BCKDHB: variants seen among roughly 807,000 people sequenced by gnomAD.
The protein encoded by BCKDHB is branched chain keto acid dehydrogenase E1 subunit beta, also known as 2-oxoisovalerate dehydrogenase subunit beta, mitochondrial.
A neutral mutation model predicts 48.5 loss-of-function variants in BCKDHB; 41 were observed. That is an observed-to-expected ratio of 0.85 (90% confidence interval 0.66 to 1.10). The LOEUF is 1.10. Among genes scored for constraint, BCKDHB ranks in the 50% least tolerant of loss-of-function variants. BCKDHB has a pLI of 0.00. For synonymous variants in BCKDHB, 201 were observed against 174.8 expected, an observed-to-expected ratio of 1.15 and a Z score of -1.18; for missense variants, 496 against 494.2, an observed-to-expected ratio of 1.00 and a Z score of -0.03.
At chr6:80,332,950 G>A (rs1022978405) in intron 9 of BCKDHB, among the ~76,000 whole-genome samples, 11 of 150,962 alleles carry the variant, frequency 7.3e-5, no homozygotes, top group South Asian at 2.1e-4. Flanking sequence ...GTACAAATTC[G>A]TACGGAACCT....
chr6:80,341,748 A>G (rs981922904), intron 9 of BCKDHB, among the ~76,000 whole-genome samples: 1 of 152,176 alleles, frequency 6.6e-6, no homozygotes, highest in African/African-American at 2.4e-5. Context: ...TTTTGCCCTT[A>G]ATTCTCCATG....
chr6:80,322,879 CTTT>C (rs1356308345), intron 9 of BCKDHB, among the ~76,000 whole-genome samples: 1 of 129,764 alleles, frequency 7.7e-6, no homozygotes, highest in Admixed American at 8.5e-5. Context: ...AATGATTCTT[CTTT>C]TTTTTTCTTT....
chr6:80,269,579 G>A (rs935609114), intron 8 of BCKDHB, among the ~76,000 whole-genome samples: 1 of 152,012 alleles, frequency 6.6e-6, no homozygotes. Flanking sequence ...TCCAGGAACA[G>A]TACTCGGTGG....
At chr6:80,424,981 C>T in the BCKDHB span, among the ~76,000 whole-genome samples, 1 of 152,126 alleles carries the variant, frequency 6.6e-6, no homozygotes, top group Non-Finnish European at 1.5e-5. Flanking sequence ...TGTGGTGTTT[C>T]ATGACTTATT....
chr6:80,278,610 A>C (rs1169338398), intron 9 of BCKDHB, among the ~76,000 whole-genome samples: 1 of 152,034 alleles, frequency 6.6e-6, no homozygotes, highest in Non-Finnish European at 1.5e-5. Flanking sequence ...CCCAGGCTGG[A>C]GTGCAGTGGC....
At chr6:80,363,137 CA>C in the BCKDHB span, among the ~76,000 whole-genome samples, 1 of 152,122 alleles carries the variant, frequency 6.6e-6, no homozygotes, top group African/African-American at 2.4e-5. Context: ...CAAGATGCCC[CA>C]AGTTCTCAGT....
the BCKDHB span, among the ~76,000 whole-genome samples, chr6:80,359,097 C>T: frequency 0.029 from 4,373 of 152,292 alleles, 91 homozygotes; most frequent in Non-Finnish European, 0.044. Context: ...CCAAGTTCTT[C>T]GTGGGTCTGA....
chr6:80,168,748 G>A lies in BCKDHB; in HGVS notation c.478-127G>A, dbSNP rs1772718690. 16 of 1,048,368 alleles carry A rather than the reference G, an allele frequency of 1.5e-5. No individual in the cohort carries two copies. In the East Asian group the frequency reaches 4.0e-4, roughly 26 times the overall value. 64.9% of individuals were successfully genotyped at this position (1,048,368 alleles called of 1,614,324 possible). ...GAAGGAAGAGGGGGAGGGAGGCAGG[G>A]AGGGAGGGAAAGACTCATTGTGCCT... On this transcript the variant is annotated intron_variant, in intron 4 of 9. Transcript: ENST00000320393.
At chr6:80,379,120 A>G in the BCKDHB span, among the ~76,000 whole-genome samples, 1 of 151,986 alleles carries the variant, frequency 6.6e-6, no homozygotes, top group African/African-American at 2.4e-5. Flanking sequence ...GATGTGAAAA[A>G]TCAGATAAGG....
intron 3 of BCKDHB, among the ~76,000 whole-genome samples, chr6:80,135,677 A>G (rs527965421): frequency 1.3e-5 from 2 of 152,228 alleles, no homozygotes; most frequent in Non-Finnish European, 2.9e-5. Flanking sequence ...ATTATGGTCA[A>G]ATATATATAA....
chr6:80,191,057 G>C (rs1033027071), intron 6 of BCKDHB, among the ~76,000 whole-genome samples: 4 of 152,112 alleles, frequency 2.6e-5, no homozygotes, highest in Admixed American at 1.3e-4. Flanking sequence ...GCTCAGAGAT[G>C]GTAGCAGCTT....
rs201659861 is a variant in BCKDHB at position 80,332,706 on chromosome 6, T to TAAA, written c.1039-10944_1039-10942dup. Among the ~76,000 whole-genome samples the TAAA allele has an allele frequency of 8.5e-3, 1,192 of 139,428 alleles. 25 individuals carry two copies. The highest frequency in any genetic ancestry group is 0.025 in the African/African-American group (942 of 37,560). 91.5% of individuals were successfully genotyped at this position (139,428 alleles called of 152,430 possible). A position where few individuals can be genotyped will look rare whatever the true frequency, so the allele number is the denominator to read the frequency against. ...CTGATGATTTTTTTTACCCTTATAG[T>TAAA]AAAAAAAAAAAAAAAACACCTTCAA... On this transcript the variant is annotated intron_variant, in intron 9 of 9. Transcript: ENST00000320393.
chr6:80,387,751 G>A, the BCKDHB span, among the ~76,000 whole-genome samples: 4 of 152,230 alleles, frequency 2.6e-5, no homozygotes, highest in African/African-American at 7.2e-5. Flanking sequence ...TACCTCAAGG[G>A]TATATCAACT....
intron 3 of BCKDHB, among the ~76,000 whole-genome samples, chr6:80,163,035 A>C (rs1772397241): frequency 6.6e-6 from 1 of 150,796 alleles, no homozygotes; most frequent in Non-Finnish European, 1.5e-5. Flanking sequence ...TGATCCTCCC[A>C]CCTTAGCCTC....
chr6:80,140,675 G>A (rs946700923), intron 3 of BCKDHB, among the ~76,000 whole-genome samples: 1 of 152,066 alleles, frequency 6.6e-6, no homozygotes, highest in Non-Finnish European at 1.5e-5. Flanking sequence ...TGGTGGATAA[G>A]CTTTTTGATG....
intron 1 of BCKDHB, among the ~76,000 whole-genome samples, chr6:80,124,341 A>C (rs148144430): frequency 0.013 from 1,912 of 152,236 alleles, 37 homozygotes; most frequent in African/African-American, 0.044. Flanking sequence ...AATAAGTGTG[A>C]TGTAGTGCTG....
the BCKDHB span, among the ~76,000 whole-genome samples, chr6:80,423,559 A>T: frequency 1.3e-5 from 2 of 152,160 alleles, no homozygotes; most frequent in Non-Finnish European, 2.9e-5. Context: ...TAGTTATCCC[A>T]CTGTATTCTC....
At chr6:80,340,008 TG>T in intron 9 of BCKDHB, among the ~76,000 whole-genome samples, 2 of 152,288 alleles carry the variant, frequency 1.3e-5, no homozygotes, top group Middle Eastern at 3.4e-3. Context: ...ACCTGTGAAA[TG>T]GAGTATAATA....
chr6:80,208,611 G>T (rs766885556), intron 8 of BCKDHB, among the ~76,000 whole-genome samples: 10 of 151,798 alleles, frequency 6.6e-5, no homozygotes, highest in Admixed American at 2.0e-4. Flanking sequence ...TTTGTATGAT[G>T]AAGAGCCCAC....
Sources: allele counts gnomAD v4.1 joint callset (sites outside exome capture counted in the v4.1 genomes callset), GRCh38; gene constraint gnomAD v4.1.1; transcripts MANE v1.5; gene names NCBI Gene and HGNC (gene_info 2026-07-23, HGNC 2026-07-21).